Variants in LRFN2 observed in about 807,000 individuals in gnomAD.
LRFN2 encodes leucine-rich repeat and fibronectin type-III domain-containing protein 2.
In LRFN2, 18 loss-of-function variants were observed where a neutral mutation model predicts 37.3. The ratio of observed to expected loss-of-function variants is 0.48; its 90% confidence interval spans 0.33 to 0.72. The LOEUF (loss-of-function observed/expected upper bound fraction) is 0.72. Ranked by LOEUF, LRFN2 falls within the 30% of genes least tolerant of loss-of-function variation. LRFN2 has a pLI of 0.02. For missense variants in LRFN2, 1,006 were observed against 1,060.7 expected (o/e 0.95, Z 0.72); for synonymous variants, 556 against 466.6 (o/e 1.19, Z -2.47).
At chr6:40,583,104 G>C (rs1230602837) in intron 1 of LRFN2, among the ~76,000 whole-genome samples, 2 of 151,822 alleles carry the variant, frequency 1.3e-5, no homozygotes. Flanking sequence ...CCCCCAAGGG[G>C]GCAAAAATGT....
intron 1 of LRFN2, among the ~76,000 whole-genome samples, chr6:40,523,505 A>ATTTTTTTTTTTTTTTTTTTTTTTTTT (rs751179915): frequency 7.7e-6 from 1 of 129,314 alleles, no homozygotes. Flanking sequence ...TCTTTAGGTG[A>ATTTTTTTTTTTTTTTTTTTTTTTTTT]TTTTTTTTTT....
At chr6:40,582,282 G>T (rs1200437264) in intron 1 of LRFN2, among the ~76,000 whole-genome samples, 3 of 151,998 alleles carry the variant, frequency 2.0e-5, no homozygotes, top group Admixed American at 1.3e-4. Flanking sequence ...CTGTAGCTTA[G>T]CTCCTGCTGG....
chr6:40,556,040 G>A (rs748294896), intron 1 of LRFN2, among the ~76,000 whole-genome samples: 6 of 152,254 alleles, frequency 3.9e-5, no homozygotes, highest in East Asian at 3.9e-4. Flanking sequence ...CCAGGCACAC[G>A]CCGACCGTCA....
chr6:40,437,746 A>G (rs144474063), intron 1 of LRFN2, among the ~76,000 whole-genome samples: 11 of 152,320 alleles, frequency 7.2e-5, no homozygotes, highest in African/African-American at 2.4e-4. Flanking sequence ...ATTAGTGTAT[A>G]TCTAGGTTGC....
At chr6:40,503,955 G>A (rs1421264434) in intron 1 of LRFN2, among the ~76,000 whole-genome samples, 10 of 150,626 alleles carry the variant, frequency 6.6e-5, no homozygotes, top group Non-Finnish European at 1.3e-4. Context: ...TTATGGAATG[G>A]AGGCAAAAAA....
intron 2 of LRFN2, among the ~76,000 whole-genome samples, chr6:40,429,364 G>A (rs557531436): frequency 4.6e-5 from 7 of 152,252 alleles, no homozygotes; most frequent in African/African-American, 9.6e-5. Context: ...TCCCCCTCAC[G>A]AACTGCGTTT....
At chr6:40,404,027 C>T (rs1762794437) in intron 2 of LRFN2, among the ~76,000 whole-genome samples, 1 of 152,188 alleles carries the variant, frequency 6.6e-6, no homozygotes, top group Admixed American at 6.5e-5. Context: ...TGCTCTTCCT[C>T]CAGATATTTA....
intron 1 of LRFN2, among the ~76,000 whole-genome samples, chr6:40,521,004 C>G (rs1766048629): frequency 6.6e-6 from 1 of 152,158 alleles, no homozygotes; most frequent in African/African-American, 2.4e-5. Flanking sequence ...ACTAGAGAGA[C>G]AGTGAAGAGT....
intron 1 of LRFN2, among the ~76,000 whole-genome samples, chr6:40,471,990 C>T (rs933164497): frequency 2.6e-5 from 4 of 152,332 alleles, no homozygotes; most frequent in African/African-American, 9.6e-5. Flanking sequence ...GGCCCAGTCA[C>T]AGGGACCCAG....
chr6:40,433,177 A>G, intron 1 of LRFN2, 46 bp from the exon 2 acceptor site: 1 of 1,463,884 alleles, frequency 6.8e-7, no homozygotes, highest in Non-Finnish European at 9.1e-7. Flanking sequence ...CAAATTCCTA[A>G]TGCACTCACC....
intron 1 of LRFN2, among the ~76,000 whole-genome samples, chr6:40,545,435 C>T (rs912847618): frequency 4.6e-5 from 7 of 152,206 alleles, no homozygotes; most frequent in African/African-American, 1.2e-4. Context: ...GCAGCACCAA[C>T]GATGGGTCAT....
intron 1 of LRFN2, among the ~76,000 whole-genome samples, chr6:40,553,397 G>A (rs940795502): frequency 6.6e-6 from 1 of 152,202 alleles, no homozygotes. Context: ...GGGAAACTGA[G>A]TCACGTCAAA....
chr6:40,399,437 TC>T (rs1762688011), intron 2 of LRFN2, among the ~76,000 whole-genome samples: 1 of 114,932 alleles, frequency 8.7e-6, no homozygotes, highest in African/African-American at 3.5e-5. Flanking sequence ...TTTTTTTTTT[TC>T]TTTTTTTTTT....
intron 1 of LRFN2, among the ~76,000 whole-genome samples, chr6:40,547,508 C>T (rs1251625900): frequency 6.6e-6 from 1 of 152,104 alleles, no homozygotes; most frequent in African/African-American, 2.4e-5. Flanking sequence ...CCCTAGTTCC[C>T]CTATACTGGG....
intron 2 of LRFN2, among the ~76,000 whole-genome samples, chr6:40,412,099 C>G (rs1762982714): frequency 1.3e-5 from 2 of 152,136 alleles, no homozygotes; most frequent in African/African-American, 2.4e-5. Context: ...CCTTGGCACA[C>G]TGTTCATTAG....
At chr6:40,408,803 A>C (rs529674882) in intron 2 of LRFN2, among the ~76,000 whole-genome samples, 1 of 152,366 alleles carries the variant, frequency 6.6e-6, no homozygotes, top group African/African-American at 2.4e-5. Flanking sequence ...CCAATGGTGA[A>C]GTCAACAGTA....
At chr6:40,544,383 C>A (rs1766615304) in intron 1 of LRFN2, among the ~76,000 whole-genome samples, 1 of 152,164 alleles carries the variant, frequency 6.6e-6, no homozygotes, top group Non-Finnish European at 1.5e-5. Context: ...GTGATATAAG[C>A]CAGCCTTTGT....
At chr6:40,522,574 C>T (rs1409752969) in intron 1 of LRFN2, among the ~76,000 whole-genome samples, 1 of 152,150 alleles carries the variant, frequency 6.6e-6, no homozygotes, top group Non-Finnish European at 1.5e-5. Context: ...CAACAGGTGA[C>T]CAGCTTTCCC....
chr6:40,407,138 C>A (rs1762863513), intron 2 of LRFN2, among the ~76,000 whole-genome samples: 1 of 152,238 alleles, frequency 6.6e-6, no homozygotes, highest in Admixed American at 6.5e-5. Context: ...GCTCAGCCAA[C>A]CCAGGCAAGC....
Sources: allele counts gnomAD v4.1 joint callset (sites outside exome capture counted in the v4.1 genomes callset), GRCh38; gene constraint gnomAD v4.1.1; transcripts MANE v1.5; gene names NCBI Gene and HGNC (gene_info 2026-07-23, HGNC 2026-07-21).